Variants in CEP63 observed in about 807,000 individuals in gnomAD.
CEP63 encodes centrosomal protein 63, also known as centrosomal protein of 63 kDa.
In CEP63, 84 loss-of-function variants were observed where a neutral mutation model predicts 89.1. The observed-to-expected ratio is 0.94, with a 90% CI of 0.79 to 1.13. The LOEUF is 1.13. Among genes scored for constraint, CEP63 ranks in the 50% most tolerant of loss-of-function variants. The probability of loss-of-function intolerance (pLI) is 0.00; values close to 1 mark genes in which losing one functional copy is unlikely to be tolerated. For synonymous variants in CEP63, 267 were observed against 272.5 expected, an observed-to-expected ratio of 0.98 and a Z score of 0.20; for missense variants, 838 against 813.3, an observed-to-expected ratio of 1.03 and a Z score of -0.37.
At chr3:134,611,386 C>A in the CEP63 span, among the ~76,000 whole-genome samples, 1 of 152,204 alleles carries the variant, frequency 6.6e-6, no homozygotes, top group Non-Finnish European at 1.5e-5. Flanking sequence ...GGTGTCCTTT[C>A]ATGGCCAGCT....
the CEP63 span, among the ~76,000 whole-genome samples, chr3:134,669,054 G>A: frequency 2.0e-5 from 3 of 151,796 alleles, no homozygotes; most frequent in Non-Finnish European, 2.9e-5. Context: ...GTCTTACTCT[G>A]TTACCTGAGC....
chr3:134,651,527 G>T, the CEP63 span: 1 of 994,142 alleles, frequency 1.0e-6, no homozygotes, highest in Non-Finnish European at 1.2e-6. Flanking sequence ...CCAAGTTTTG[G>T]CCTCGACCTC....
At chr3:134,721,002 A>G in the CEP63 span, among the ~76,000 whole-genome samples, 1 of 152,062 alleles carries the variant, frequency 6.6e-6, no homozygotes, top group Non-Finnish European at 1.5e-5. Flanking sequence ...ATTTATGCAA[A>G]AAAGGGAAGT....
chr3:134,676,100 T>C, the CEP63 span, among the ~76,000 whole-genome samples: 10 of 152,174 alleles, frequency 6.6e-5, no homozygotes, highest in Admixed American at 2.0e-4. Context: ...CCCAAGAGAA[T>C]TGAAAATGTA....
chr3:134,659,569 G>A, the CEP63 span, among the ~76,000 whole-genome samples: 3 of 152,174 alleles, frequency 2.0e-5, no homozygotes, highest in East Asian at 1.9e-4. Flanking sequence ...CATTCTGCAC[G>A]TTTCAGTGAA....
chr3:134,598,560 A>G, the CEP63 span, among the ~76,000 whole-genome samples: 1 of 152,224 alleles, frequency 6.6e-6, no homozygotes, highest in Non-Finnish European at 1.5e-5. Flanking sequence ...TCATCTCCCC[A>G]TGGAAAGTAT....
the CEP63 span, among the ~76,000 whole-genome samples, chr3:134,605,431 G>A: frequency 6.6e-6 from 1 of 152,158 alleles, no homozygotes; most frequent in Non-Finnish European, 1.5e-5. Flanking sequence ...TGGACTCTTG[G>A]TAGGGGAGGC....
chr3:134,778,803 G>A, the CEP63 span, among the ~76,000 whole-genome samples: 10 of 152,030 alleles, frequency 6.6e-5, no homozygotes, highest in South Asian at 2.1e-4. Flanking sequence ...CTCGTGATTC[G>A]CCTGCCTTGG....
At position 134,544,696 on chromosome 3, in the gene CEP63, A is replaced by G. The variant is rs116547205; in HGVS notation, c.556-890A>G. On this transcript the variant is annotated intron_variant, in intron 6 of 14. Coordinates refer to ENST00000675561, the MANE Select transcript of CEP63 (RefSeq NM_001353108.3). ...TTGAAATTCTAATTTCTAAACTTCC[A>G]TCAGAAATATAATAATGCATTATAG... is the stretch of plus-strand genomic sequence containing the variant. Among the ~76,000 whole-genome samples the G allele has an allele frequency of 7.6e-3, 1,148 of 152,042 alleles. 17 individuals are homozygous for G. The highest frequency in any genetic ancestry group is 0.026 in the African/African-American group (1,092 of 41,426).
the CEP63 span, among the ~76,000 whole-genome samples, chr3:134,725,224 A>G: frequency 3.5e-3 from 528 of 152,298 alleles, 5 homozygotes; most frequent in African/African-American, 0.012. Flanking sequence ...TTTGTCATCA[A>G]ATTTGTAATC....
At chr3:134,726,498 A>ACG in the CEP63 span, among the ~76,000 whole-genome samples, 4 of 151,814 alleles carry the variant, frequency 2.6e-5, no homozygotes, top group South Asian at 8.3e-4. Context: ...ACACACACAC[A>ACG]CACACACAGA....
At chr3:134,731,885 G>A in the CEP63 span, among the ~76,000 whole-genome samples, 1 of 152,166 alleles carries the variant, frequency 6.6e-6, no homozygotes, top group Non-Finnish European at 1.5e-5. Flanking sequence ...TTGACAATAA[G>A]TGCAAAATAC....
chr3:134,508,824 C>T (rs893234298), intron 3 of CEP63, among the ~76,000 whole-genome samples: 3 of 152,042 alleles, frequency 2.0e-5, no homozygotes, highest in African/African-American at 7.2e-5. Context: ...AATTGCAGCT[C>T]TCTGGTTAAT....
the CEP63 span, chr3:134,647,390 T>C: frequency 8.7e-6 from 12 of 1,371,944 alleles, no homozygotes; most frequent in Non-Finnish European, 1.1e-5. Flanking sequence ...CAGTTATTAT[T>C]CAATGTATTA....
the CEP63 span, among the ~76,000 whole-genome samples, chr3:134,764,403 G>C: frequency 8.6e-3 from 1,316 of 152,198 alleles, 19 homozygotes; most frequent in African/African-American, 0.029. Context: ...TTTTCTCCCA[G>C]GTTTAATTTT....
intron 2 of CEP63, among the ~76,000 whole-genome samples, chr3:134,505,647 C>T (rs763304148): frequency 1.3e-5 from 2 of 152,130 alleles, no homozygotes; most frequent in African/African-American, 4.8e-5. Context: ...AGGCAGGCCT[C>T]TCCAAGGTCC....
the CEP63 span, chr3:134,604,380 T>G: frequency 6.2e-7 from 1 of 1,613,980 alleles, no homozygotes; most frequent in African/African-American, 1.3e-5. Flanking sequence ...CATTCTTCCT[T>G]AGGCTCAGCA....
At chr3:134,581,824 C>T (rs559458508) in intron 10 of CEP63, among the ~76,000 whole-genome samples, 2 of 149,598 alleles carry the variant, frequency 1.3e-5, no homozygotes, top group Admixed American at 6.6e-5. Context: ...TACAGGCGCC[C>T]GCTACCACGC....
At chr3:134,776,596 T>A in the CEP63 span, among the ~76,000 whole-genome samples, 6 of 152,254 alleles carry the variant, frequency 3.9e-5, no homozygotes, top group Non-Finnish European at 7.4e-5. Context: ...ACCCACAGGG[T>A]CTAGGCTGGA....
Sources: allele counts gnomAD v4.1 joint callset (sites outside exome capture counted in the v4.1 genomes callset), GRCh38; gene constraint gnomAD v4.1.1; transcripts MANE v1.5; gene names NCBI Gene and HGNC (gene_info 2026-07-23, HGNC 2026-07-21).